Variants in INPP4B observed in about 807,000 individuals in gnomAD.
INPP4B encodes inositol polyphosphate-4-phosphatase type II B.
INPP4B carries 55 observed loss-of-function variants against 122.5 expected under a neutral mutation model. The ratio of observed to expected loss-of-function variants is 0.45; its 90% CI spans 0.36 to 0.56. The LOEUF (loss-of-function observed/expected upper bound fraction) is 0.56. INPP4B is among the 20% of genes least tolerant of loss of function. The pLI, the probability that INPP4B is intolerant of heterozygous loss-of-function variation, is 0.00. For synonymous variants in INPP4B, 403 were observed against 388.7 expected, an observed-to-expected ratio of 1.04 and a Z score of -0.43; for missense variants, 1,000 against 1,097.7, an observed-to-expected ratio of 0.91 and a Z score of 1.26.
chr4:142,461,818 C>A (rs1307001772), intron 3 of INPP4B, among the ~76,000 whole-genome samples: 1 of 152,032 alleles, frequency 6.6e-6, no homozygotes, highest in Non-Finnish European at 1.5e-5. Context: ...CACACACACA[C>A]ACACACGTTG....
intron 2 of INPP4B, among the ~76,000 whole-genome samples, chr4:142,485,607 T>C (rs890495116): frequency 6.6e-6 from 1 of 152,070 alleles, no homozygotes; most frequent in Non-Finnish European, 1.5e-5. Context: ...AACTAGAAAA[T>C]ACATAAATAG....
At chr4:142,685,065 G>C (rs1433525009) in intron 2 of INPP4B, among the ~76,000 whole-genome samples, 1 of 152,016 alleles carries the variant, frequency 6.6e-6, no homozygotes, top group African/African-American at 2.4e-5. Flanking sequence ...ATTATTCCCT[G>C]ATTCAGACTT....
At chr4:142,540,493 T>G (rs1372371428) in intron 2 of INPP4B, among the ~76,000 whole-genome samples, 6 of 152,242 alleles carry the variant, frequency 3.9e-5, no homozygotes, top group South Asian at 4.1e-4. Context: ...TAGTTTTTAT[T>G]TCTTCCACAT....
rs1823767455 is a variant in INPP4B, at chr4:142,168,123, ATC to A, written c.1359+5507_1359+5508del. ...TTCTTGGTTGTTTTCACAATGTTCT[ATC>A]TCTGTTTTTCAGCAACTTGATTATG... On this transcript the variant is annotated intron_variant, in intron 16 of 25. Coordinates refer to ENST00000262992, the MANE Select transcript of INPP4B (RefSeq NM_001101669.3). Among the ~76,000 whole-genome samples, 4 of 151,352 alleles carry A rather than the reference ATC, an allele frequency of 2.6e-5. No homozygotes were observed. The South Asian group carries it at 8.3e-4, about 32-fold the overall frequency.
intron 2 of INPP4B, among the ~76,000 whole-genome samples, chr4:142,535,409 T>C (rs1367225715): frequency 6.6e-6 from 1 of 152,212 alleles, no homozygotes; most frequent in Admixed American, 6.5e-5. Flanking sequence ...CCTATTTCTG[T>C]GCCCATGGCA....
intron 15 of INPP4B, among the ~76,000 whole-genome samples, chr4:142,181,511 CAT>C (rs771164304): frequency 1.3e-5 from 2 of 152,124 alleles, no homozygotes; most frequent in African/African-American, 2.4e-5. Flanking sequence ...CTTCTGCATA[CAT>C]GTCATACTTT....
intron 2 of INPP4B, among the ~76,000 whole-genome samples, chr4:142,489,762 T>C (rs757471531): frequency 3.3e-5 from 5 of 152,138 alleles, no homozygotes; most frequent in Non-Finnish European, 2.9e-5. Context: ...AAAAATACTA[T>C]GGGCATTTGT....
chr4:142,391,953 A>G (rs905333827), intron 7 of INPP4B, among the ~76,000 whole-genome samples: 1 of 152,200 alleles, frequency 6.6e-6, no homozygotes, highest in African/African-American at 2.4e-5. Context: ...GGCTGATGTT[A>G]TAAAAGTAAA....
At chr4:142,293,590 G>A (rs1010684277) in intron 9 of INPP4B, among the ~76,000 whole-genome samples, 3 of 151,748 alleles carry the variant, frequency 2.0e-5, no homozygotes, top group South Asian at 2.1e-4. Flanking sequence ...AGTTTTCTAC[G>A]TTTCCCTATC....
At chr4:142,248,630 ATGTGTG>A (rs35550228) in intron 11 of INPP4B, among the ~76,000 whole-genome samples, 12 of 148,540 alleles carry the variant, frequency 8.1e-5, no homozygotes, top group Admixed American at 5.4e-4. Context: ...CACTCTCTGT[ATGTGTG>A]TGTGTGTGTG....
intron 9 of INPP4B, among the ~76,000 whole-genome samples, chr4:142,294,176 A>T (rs1235306465): frequency 1.3e-5 from 2 of 152,226 alleles, no homozygotes; most frequent in Non-Finnish European, 2.9e-5. Flanking sequence ...CTACCTTTGT[A>T]ACCCCTAAAT....
chr4:142,766,292 TCTCACTAA>T (rs1419500952), intron 1 of INPP4B, among the ~76,000 whole-genome samples: 1 of 152,160 alleles, frequency 6.6e-6, no homozygotes, highest in Non-Finnish European at 1.5e-5. Context: ...GTTTGTTTCT[TCTCACTAA>T]TGTCTATTTT....
chr4:142,402,167 C>T (rs1801832032), intron 7 of INPP4B, among the ~76,000 whole-genome samples: 1 of 152,216 alleles, frequency 6.6e-6, no homozygotes, highest in Admixed American at 6.5e-5. Flanking sequence ...TTTACTGCCT[C>T]ATGCTACAAT....
At chr4:142,536,201 T>C (rs1336468334) in intron 2 of INPP4B, among the ~76,000 whole-genome samples, 1 of 151,686 alleles carries the variant, frequency 6.6e-6, no homozygotes, top group East Asian at 2.0e-4. Context: ...TGTATAAGAA[T>C]TAAAATTAAC....
chr4:142,317,231 T>C, intron 7 of INPP4B: 1 of 310,332 alleles, frequency 3.2e-6, no homozygotes, highest in Non-Finnish European at 6.5e-6. Flanking sequence ...GGTGCAGGAT[T>C]TGAAATATGG....
intron 7 of INPP4B, among the ~76,000 whole-genome samples, chr4:142,399,309 G>A (rs1800844388): frequency 7.2e-6 from 1 of 138,742 alleles, no homozygotes; most frequent in Non-Finnish European, 1.5e-5. Flanking sequence ...ATATTCTCCT[G>A]CCTCAGCCTC....
At chr4:142,639,419 G>C (rs11723809) in intron 2 of INPP4B, among the ~76,000 whole-genome samples, 95,357 of 152,010 alleles carry the variant, frequency 0.63, 31,059 homozygotes, top group East Asian at 0.79. Context: ...TGATTAAATA[G>C]GTTTATTCAG....
chr4:142,437,899 A>C (rs1296072600), intron 3 of INPP4B, among the ~76,000 whole-genome samples: 1 of 152,178 alleles, frequency 6.6e-6, no homozygotes, highest in East Asian at 1.9e-4. Flanking sequence ...CTAGCAACCA[A>C]AAAAAGCCCA....
At chr4:142,801,241 G>C (rs1777970153) in intron 1 of INPP4B, among the ~76,000 whole-genome samples, 1 of 152,168 alleles carries the variant, frequency 6.6e-6, no homozygotes, top group Non-Finnish European at 1.5e-5. Context: ...CAGTAGAACA[G>C]GGACAGTGTT....
Sources: allele counts gnomAD v4.1 joint callset (sites outside exome capture counted in the v4.1 genomes callset), GRCh38; gene constraint gnomAD v4.1.1; transcripts MANE v1.5; gene names NCBI Gene and HGNC (gene_info 2026-07-23, HGNC 2026-07-21).